Variants in PTPRD observed in about 807,000 individuals in gnomAD.
PTPRD encodes the protein receptor-type tyrosine-protein phosphatase delta.
Under a neutral mutation model 214.5 loss-of-function variants are expected in PTPRD, and 34 were observed. The ratio of observed to expected loss-of-function variants is 0.16; its 90% CI spans 0.12 to 0.21. The LOEUF (loss-of-function observed/expected upper bound fraction) is 0.21. Ranked by LOEUF, PTPRD falls within the 10% of genes least tolerant of loss-of-function variation. PTPRD has a pLI of 1.00. For synonymous variants in PTPRD, 1,128 were observed against 845.7 expected (o/e 1.33, Z -5.79); for missense variants, 2,545 against 2,398.7 (o/e 1.06, Z -1.27).
At chr9:10,514,738 A>G (rs2049434648) in intron 2 of PTPRD, among the ~76,000 whole-genome samples, 1 of 151,978 alleles carries the variant, frequency 6.6e-6, no homozygotes, top group Admixed American at 6.6e-5. Context: ...AAATTTACGT[A>G]TAAGCAAGAT....
intron 5 of PTPRD, among the ~76,000 whole-genome samples, chr9:9,801,502 A>G (rs753129095): frequency 2.0e-5 from 3 of 152,078 alleles, no homozygotes; most frequent in African/African-American, 4.8e-5. Context: ...TTTAGTTGTT[A>G]ATTTTAAATA....
chr9:8,432,871 A>C (rs2095145536), intron 35 of PTPRD, among the ~76,000 whole-genome samples: 1 of 152,210 alleles, frequency 6.6e-6, no homozygotes, highest in Non-Finnish European at 1.5e-5. Context: ...TATGTGGGCT[A>C]TCAGGTCCAC....
chr9:8,488,947 T>C (rs895548522), intron 27 of PTPRD, among the ~76,000 whole-genome samples: 1 of 152,214 alleles, frequency 6.6e-6, no homozygotes, highest in Non-Finnish European at 1.5e-5. Context: ...TAAAATTTTT[T>C]GAAATTCTAG....
At chr9:10,230,929 G>A (rs145424929) in intron 3 of PTPRD, among the ~76,000 whole-genome samples, 133 of 152,004 alleles carry the variant, frequency 8.7e-4, no homozygotes, top group African/African-American at 3.0e-3. Context: ...AGGCTATCAC[G>A]TACATTGGTA....
At chr9:9,626,583 G>A (rs2095432860) in intron 7 of PTPRD, among the ~76,000 whole-genome samples, 1 of 152,124 alleles carries the variant, frequency 6.6e-6, no homozygotes, top group African/African-American at 2.4e-5. Context: ...AAAGGAGGGA[G>A]AAAGAAAGGT....
intron 35 of PTPRD, among the ~76,000 whole-genome samples, chr9:8,416,004 C>T (rs2093907154): frequency 1.3e-5 from 2 of 152,128 alleles, no homozygotes; most frequent in Admixed American, 6.6e-5. Context: ...ACTGTGAAGT[C>T]AGTCTTTGAT....
intron 11 of PTPRD, among the ~76,000 whole-genome samples, chr9:8,832,096 ATGTGTATATG>A (rs1313731139): frequency 3.4e-5 from 4 of 117,166 alleles, no homozygotes; most frequent in African/African-American, 1.5e-4. Context: ...TTAAATATGT[ATGTGTATATG>A]TGTGTGTGTG....
intron 8 of PTPRD, among the ~76,000 whole-genome samples, chr9:9,523,426 T>C (rs1216820890): frequency 6.6e-6 from 1 of 152,148 alleles, no homozygotes; most frequent in Non-Finnish European, 1.5e-5. Context: ...CTGAATGAAA[T>C]TTGCTGAGGG....
chr9:10,173,449 A>C (rs752260077), intron 3 of PTPRD, among the ~76,000 whole-genome samples: 1 of 152,126 alleles, frequency 6.6e-6, no homozygotes, highest in Non-Finnish European at 1.5e-5. Context: ...TCCCCCATAG[A>C]TTATCACATA....
intron 37 of PTPRD, among the ~76,000 whole-genome samples, chr9:8,379,236 A>T (rs1361913628): frequency 6.6e-6 from 1 of 152,186 alleles, no homozygotes; most frequent in African/African-American, 2.4e-5. Flanking sequence ...ATCCTAACGT[A>T]TGTGGAAATG....
chr9:9,544,544 C>G (rs1373590743), intron 8 of PTPRD, among the ~76,000 whole-genome samples: 1 of 151,628 alleles, frequency 6.6e-6, no homozygotes, highest in Non-Finnish European at 1.5e-5. Context: ...GAGAACATCT[C>G]TCGACTGTGT....
chr9:9,064,743 G>C (rs1245053869), intron 10 of PTPRD, among the ~76,000 whole-genome samples: 1 of 152,180 alleles, frequency 6.6e-6, no homozygotes, highest in Non-Finnish European at 1.5e-5. Flanking sequence ...CATTCGGTCA[G>C]ATTGATAAAA....
intron 2 of PTPRD, among the ~76,000 whole-genome samples, chr9:10,503,208 CA>C (rs1182534691): frequency 5.9e-5 from 7 of 118,456 alleles, no homozygotes; most frequent in African/African-American, 2.1e-4. Flanking sequence ...AAAAAAAAAA[CA>C]AAAAAAAACA....
intron 11 of PTPRD, among the ~76,000 whole-genome samples, chr9:8,748,525 AAAAAAAAAAAAAAAAG>A (rs924726499): frequency 1.5e-5 from 2 of 133,246 alleles, no homozygotes; most frequent in African/African-American, 6.4e-5. Flanking sequence ...GCAACTGCAA[AAAAAAAAAAAAAAAAG>A]AAAAAGAAAA....
intron 8 of PTPRD, among the ~76,000 whole-genome samples, chr9:9,541,225 G>C (rs1365767806): frequency 1.3e-5 from 2 of 151,744 alleles, no homozygotes; most frequent in Admixed American, 6.6e-5. Context: ...GTGGAGCCTT[G>C]AAAAGCACTT....
intron 3 of PTPRD, among the ~76,000 whole-genome samples, chr9:10,182,786 A>G (rs997944881): frequency 1.3e-5 from 2 of 152,156 alleles, no homozygotes; most frequent in East Asian, 3.9e-4. Flanking sequence ...AATTAGTGCA[A>G]TCATCCTAGA....
At chr9:9,474,202 A>G (rs184357146) in intron 8 of PTPRD, among the ~76,000 whole-genome samples, 2 of 152,140 alleles carry the variant, frequency 1.3e-5, no homozygotes, top group East Asian at 3.9e-4. Flanking sequence ...AGCACCATTT[A>G]TTGAAGATTG....
At chr9:9,691,201 A>G (rs1267685760) in intron 7 of PTPRD, among the ~76,000 whole-genome samples, 3 of 151,924 alleles carry the variant, frequency 2.0e-5, no homozygotes, top group Non-Finnish European at 4.4e-5. Context: ...TATTATTAAC[A>G]ATAGTCCCCG....
intron 3 of PTPRD, among the ~76,000 whole-genome samples, chr9:10,092,377 A>G (rs1008060254): frequency 6.6e-6 from 1 of 151,446 alleles, no homozygotes; most frequent in African/African-American, 2.4e-5. Flanking sequence ...AGACCAATCC[A>G]TTAATTATAC....
Sources: allele counts gnomAD v4.1 joint callset (sites outside exome capture counted in the v4.1 genomes callset), GRCh38; gene constraint gnomAD v4.1.1; transcripts MANE v1.5; gene names NCBI Gene and HGNC (gene_info 2026-07-23, HGNC 2026-07-21).